Variants in MAP2K4 observed in about 807,000 individuals in gnomAD.
MAP2K4 encodes the protein mitogen-activated protein kinase kinase 4, also known as dual specificity mitogen-activated protein kinase kinase 4.
Under a neutral mutation model 48.5 loss-of-function variants are expected in MAP2K4, and 4 were observed. The ratio of observed to expected loss-of-function variants is 0.08; its 90% CI spans 0.04 to 0.19. MAP2K4 has a LOEUF of 0.19. Among genes scored for constraint, MAP2K4 ranks in the 10% least tolerant of loss-of-function variants. MAP2K4 has a pLI of 1.00. For synonymous variants in MAP2K4, 166 were observed against 173.1 expected (o/e 0.96, Z 0.32); for missense variants, 258 against 493.3 (o/e 0.52, Z 4.52).
At chr17:12,062,118 GGAGTGGTTGCACTT>G (rs1261627761) in intron 2 of MAP2K4, among the ~76,000 whole-genome samples, 1 of 145,088 alleles carries the variant, frequency 6.9e-6, no homozygotes, top group Non-Finnish European at 1.5e-5. Context: ...GCTTTAATCT[GGAGTGGTTGCACTT>G]GAGGTCTGCT....
At chr17:12,072,248 C>G (rs1276888061) in intron 2 of MAP2K4, among the ~76,000 whole-genome samples, 2 of 152,116 alleles carry the variant, frequency 1.3e-5, no homozygotes, top group Admixed American at 6.6e-5. Flanking sequence ...GTTACTAGGA[C>G]TGTAGATCAG....
At chr17:12,101,191 A>G (rs1971925857) in intron 4 of MAP2K4, among the ~76,000 whole-genome samples, 1 of 152,104 alleles carries the variant, frequency 6.6e-6, no homozygotes, top group Non-Finnish European at 1.5e-5. Context: ...AGTTTTAGGT[A>G]TCACATTTAT....
intron 1 of MAP2K4, among the ~76,000 whole-genome samples, chr17:12,052,948 C>T (rs1218970462): frequency 6.6e-6 from 1 of 152,062 alleles, no homozygotes; most frequent in African/African-American, 2.4e-5. Flanking sequence ...CCCAGCGTCT[C>T]CAAAATTTTG....
At chr17:12,127,069 CT>C (rs1206683960) in intron 8 of MAP2K4, among the ~76,000 whole-genome samples, 7 of 152,162 alleles carry the variant, frequency 4.6e-5, no homozygotes, top group African/African-American at 1.7e-4. Flanking sequence ...AGGATCTTCT[CT>C]GTGATCAGAA....
intron 2 of MAP2K4, among the ~76,000 whole-genome samples, chr17:12,061,824 G>T (rs940036419): frequency 6.6e-6 from 1 of 151,928 alleles, no homozygotes. Flanking sequence ...TATCTTTGCA[G>T]TATGTATGTT....
At chr17:12,029,761 CAAAAACA>C (rs1381067112) in intron 1 of MAP2K4, among the ~76,000 whole-genome samples, 1 of 151,562 alleles carries the variant, frequency 6.6e-6, no homozygotes, top group Non-Finnish European at 1.5e-5. Flanking sequence ...TCCATCTCTA[CAAAAACA>C]AAAAACAAAA....
intron 4 of MAP2K4, among the ~76,000 whole-genome samples, chr17:12,100,566 G>A (rs1249260272): frequency 1.3e-5 from 2 of 152,008 alleles, no homozygotes. Context: ...TATTTTCCTG[G>A]GGTAATTACA....
Position 12,090,836 on chromosome 17 carries a change from G to C in MAP2K4, c.394-4739G>C, listed in dbSNP as rs56410218. 8.0e-3 allele frequency among the ~76,000 whole-genome samples: 1,224 copies of C among 152,086 alleles called. 4 individuals are homozygous for C. Among genetic ancestry groups the C allele is most frequent in the Non-Finnish European group, 0.014 (953 of 67,978 alleles). The stretch of plus-strand genomic sequence containing the variant: ...TCCTCTTATTTGCTTCTTTTTCTTT[G>C]CTCTTCCACTCCAGTCCTTAAGCGA... On this transcript the variant is annotated intron_variant, in intron 3 of 10. Coordinates refer to ENST00000353533, the MANE Select transcript of MAP2K4 (RefSeq NM_003010.4).
At chr17:12,092,027 G>C (rs1400933432) in intron 3 of MAP2K4, among the ~76,000 whole-genome samples, 1 of 152,050 alleles carries the variant, frequency 6.6e-6, no homozygotes, top group East Asian at 1.9e-4. Context: ...TTAAGTAAAA[G>C]AGCTCAGTAA....
intron 9 of MAP2K4, among the ~76,000 whole-genome samples, chr17:12,131,555 A>G (rs1973024603): frequency 6.6e-6 from 1 of 151,994 alleles, no homozygotes; most frequent in Non-Finnish European, 1.5e-5. Flanking sequence ...CGCTCTAGCC[A>G]CATTTCTCAT....
At chr17:12,107,380 T>C (rs1283342182) in intron 4 of MAP2K4, among the ~76,000 whole-genome samples, 3 of 148,276 alleles carry the variant, frequency 2.0e-5, no homozygotes, top group Admixed American at 6.8e-5. Flanking sequence ...TTTGTCTTTT[T>C]CCTTTTTTTT....
intron 2 of MAP2K4, chr17:12,069,522 A>G (rs1478167463): frequency 6.3e-6 from 1 of 158,452 alleles, no homozygotes. Context: ...ACTTCAGAAT[A>G]CTGCAGACTT....
chr17:12,073,277 G>A (rs1379949762), intron 2 of MAP2K4, among the ~76,000 whole-genome samples: 2 of 152,166 alleles, frequency 1.3e-5, no homozygotes, highest in Non-Finnish European at 2.9e-5. Context: ...GGAAGAGGGA[G>A]GATGCTGATG....
At chr17:12,046,332 G>A (rs1969962567) in intron 1 of MAP2K4, among the ~76,000 whole-genome samples, 1 of 152,112 alleles carries the variant, frequency 6.6e-6, no homozygotes, top group Non-Finnish European at 1.5e-5. Flanking sequence ...ATTGGGGTTC[G>A]GGGGGTTATT....
chr17:12,097,545 A>G (rs560668193), intron 4 of MAP2K4, among the ~76,000 whole-genome samples: 1 of 152,372 alleles, frequency 6.6e-6, no homozygotes, highest in Non-Finnish European at 1.5e-5. Flanking sequence ...TGGTTTTGTT[A>G]TCATGGATAG....
At position 12,046,558 on chromosome 17, in the gene MAP2K4, A is replaced by G. The variant is rs1020597723; in HGVS notation, c.116-8331A>G. ...ACATCTGGCTCAGAGTCTGATAGAA[A>G]GTGTTGCTGTTATTGGCTTTAAGTG... On this transcript the variant is annotated intron_variant, in intron 1 of 10. Coordinates refer to ENST00000353533, the MANE Select transcript of MAP2K4 (RefSeq NM_003010.4). Among the ~76,000 whole-genome samples, 6 of 152,134 alleles carry G rather than the reference A, an allele frequency of 3.9e-5. No individual in the cohort carries two copies. The East Asian group carries it at 7.7e-4, about 20-fold the overall frequency.
At chr17:12,074,457 A>AT (rs1250471012) in intron 2 of MAP2K4, among the ~76,000 whole-genome samples, 1 of 152,144 alleles carries the variant, frequency 6.6e-6, no homozygotes, top group Non-Finnish European at 1.5e-5. Flanking sequence ...TCTAGAGCTA[A>AT]TTTTGCCTTA....
intron 2 of MAP2K4, among the ~76,000 whole-genome samples, chr17:12,072,144 A>G (rs148292208): frequency 2.0e-5 from 3 of 152,340 alleles, no homozygotes; most frequent in Non-Finnish European, 2.9e-5. Context: ...GGAGATGATC[A>G]TAGAAGAATT....
intron 10 of MAP2K4, 73 bp from the exon 11 acceptor site, chr17:12,141,074 A>G (rs1292245353): frequency 6.7e-6 from 6 of 892,220 alleles, no homozygotes; most frequent in Admixed American, 1.7e-5. Flanking sequence ...TCTATGTTCT[A>G]TAGAAATTGG....
Sources: allele counts gnomAD v4.1 joint callset (sites outside exome capture counted in the v4.1 genomes callset), GRCh38; gene constraint gnomAD v4.1.1; transcripts MANE v1.5; gene names NCBI Gene and HGNC (gene_info 2026-07-23, HGNC 2026-07-21).